Variants in STK32B observed in about 807,000 individuals in gnomAD.
STK32B encodes serine/threonine kinase 32B.
STK32B carries 43 observed loss-of-function variants against 52.6 expected under a neutral mutation model. The ratio of observed to expected loss-of-function variants is 0.82; its 90% CI spans 0.64 to 1.05. The LOEUF is 1.05. STK32B is among the 50% of genes least tolerant of loss of function. The pLI, the probability that STK32B is intolerant of heterozygous loss-of-function variation, is 0.00. For missense variants in STK32B, 621 were observed against 534.6 expected (o/e 1.16, Z -1.59); for synonymous variants, 238 against 204.3 (o/e 1.17, Z -1.41).
chr4:5,444,381 C>T (rs1460860189), intron 6 of STK32B, among the ~76,000 whole-genome samples: 1 of 152,252 alleles, frequency 6.6e-6, no homozygotes. Context: ...CCGTCCGTCA[C>T]CCCTTTCTTT....
chr4:5,238,074 C>T (rs975517198), intron 3 of STK32B, among the ~76,000 whole-genome samples: 2 of 152,136 alleles, frequency 1.3e-5, no homozygotes, highest in Non-Finnish European at 2.9e-5. Flanking sequence ...TTGATGAACA[C>T]GTAGGAAGCA....
the STK32B span, among the ~76,000 whole-genome samples, chr4:5,028,847 G>T: frequency 6.6e-6 from 1 of 152,182 alleles, no homozygotes; most frequent in Non-Finnish European, 1.5e-5. Context: ...AAGAAAAGAG[G>T]TTTAATTGGC....
intron 4 of STK32B, among the ~76,000 whole-genome samples, chr4:5,373,381 C>T (rs542724445): frequency 6.0e-4 from 91 of 152,270 alleles, no homozygotes; most frequent in Admixed American, 1.8e-3. Context: ...ATTCAAGACC[C>T]AAGAGAAACC....
intron 5 of STK32B, among the ~76,000 whole-genome samples, chr4:5,410,422 G>A (rs149749218): frequency 5.9e-5 from 9 of 152,374 alleles, no homozygotes; most frequent in East Asian, 3.9e-4. Context: ...GCAGATGACC[G>A]TGTGTAGTTT....
chr4:5,240,323 T>G (rs1337733017), intron 3 of STK32B, among the ~76,000 whole-genome samples: 1 of 152,208 alleles, frequency 6.6e-6, no homozygotes, highest in East Asian at 1.9e-4. Flanking sequence ...TGTGTGTGTT[T>G]CAGTTTGGAT....
chr4:5,151,571 A>G (rs545895586), intron 2 of STK32B, among the ~76,000 whole-genome samples: 1 of 152,240 alleles, frequency 6.6e-6, no homozygotes, highest in Non-Finnish European at 1.5e-5. Flanking sequence ...ACCAAAGTAA[A>G]CAACTGCTGG....
chr4:5,400,623 G>A lies in STK32B; in HGVS notation c.472+2379G>A, dbSNP rs1221381368. On this transcript the variant is annotated intron_variant, in intron 5 of 11. Coordinates refer to ENST00000282908, the MANE Select transcript of STK32B (RefSeq NM_018401.3). The surrounding 1 kb of genome is among the most constrained non-coding windows in gnomAD (Gnocchi z 6.1). Reference sequence around the variant, plus strand: ...CAACACTCAATGAGTGGCTTTGCAGGTGGTACAGAAAAGAAATTTAGGAGC... The same window carrying A: ...CAACACTCAATGAGTGGCTTTGCAGATGGTACAGAAAAGAAATTTAGGAGC... 6.6e-6 allele frequency among the ~76,000 whole-genome samples: 1 copy of A among 152,162 alleles called. No homozygotes were observed. Among genetic ancestry groups the A allele is most frequent in the Non-Finnish European group, 1.5e-5 (1 of 68,032 alleles).
intron 3 of STK32B, among the ~76,000 whole-genome samples, chr4:5,317,480 TTACA>T (rs1731159949): frequency 3.3e-5 from 2 of 61,074 alleles, no homozygotes; most frequent in Admixed American, 2.0e-4. Flanking sequence ...AATATATATA[TTACA>T]TATATATAAT....
intron 1 of STK32B, among the ~76,000 whole-genome samples, chr4:5,053,101 T>C (rs1380214282): frequency 6.6e-6 from 1 of 152,248 alleles, no homozygotes; most frequent in East Asian, 1.9e-4. Context: ...CTCAGATGCC[T>C]GCCTGGACAG....
chr4:5,158,217 C>T (rs1358830222), intron 2 of STK32B, among the ~76,000 whole-genome samples: 9 of 152,138 alleles, frequency 5.9e-5, no homozygotes, highest in African/African-American at 4.8e-5. Flanking sequence ...ATCCAGCAGC[C>T]AAGTGTTCTC....
At chr4:5,096,731 C>T (rs866576813) in intron 1 of STK32B, among the ~76,000 whole-genome samples, 7 of 152,130 alleles carry the variant, frequency 4.6e-5, no homozygotes, top group South Asian at 2.1e-4. Context: ...GGGAGGGCGG[C>T]GTTTACATTT....
rs1553823531 is a variant in STK32B, at chr4:5,099,454, G to GCGTGCGCGCGCACGCGCGTGCGCGCGCA, written c.53-40449_53-40448insTGCGCGCGCACGCGCGTGCGCGCGCACG. The stretch of plus-strand genomic sequence containing the variant: ...CCTCTGTGTGTGTGTGTGTGTGCGC[G>GCGTGCGCGCGCACGCGCGTGCGCGCGCA]CGCGCGTATGTGATGTGTTCACAAC... On this transcript the variant is annotated intron_variant, in intron 1 of 11. Coordinates refer to ENST00000282908, the MANE Select transcript of STK32B (RefSeq NM_018401.3). Among the ~76,000 whole-genome samples, 1,157 of 129,800 alleles carry GCGTGCGCGCGCACGCGCGTGCGCGCGCA rather than the reference G, an allele frequency of 8.9e-3. 20 individuals carry two copies. Among genetic ancestry groups the GCGTGCGCGCGCACGCGCGTGCGCGCGCA allele is most frequent in the African/African-American group, 0.029 (1,119 of 39,218 alleles). 85.2% of individuals were successfully genotyped at this position (129,800 alleles called of 152,430 possible).
chr4:5,173,442 G>A (rs1283555206), intron 3 of STK32B, among the ~76,000 whole-genome samples: 10 of 151,968 alleles, frequency 6.6e-5, no homozygotes, highest in African/African-American at 2.4e-4. Flanking sequence ...TGGGCATTTA[G>A]TGCTATAAAT....
chr4:5,325,547 T>C (rs991557321), intron 3 of STK32B, among the ~76,000 whole-genome samples: 5 of 152,166 alleles, frequency 3.3e-5, no homozygotes, highest in African/African-American at 9.7e-5. Context: ...AATTCTATTA[T>C]GTTATATACA....
chr4:5,019,537 C>A, the STK32B span: 2 of 1,310,494 alleles, frequency 1.5e-6, no homozygotes, highest in Non-Finnish European at 2.0e-6. Context: ...TCCTGTGGGG[C>A]CAGCGCAGGC....
rs200080283 is a variant in STK32B at position 5,053,814 on chromosome 4, A to T, written c.52+1899A>T. 7.3e-5 allele frequency among the ~76,000 whole-genome samples: 8 copies of T among 109,840 alleles called. No homozygotes were observed. The South Asian group carries it at 2.3e-3, about 32-fold the overall frequency. 72.1% of individuals were successfully genotyped at this position (109,840 alleles called of 152,430 possible). A position where few individuals can be genotyped will look rare whatever the true frequency, so the allele number is the denominator to read the frequency against. On this transcript the variant is annotated intron_variant, in intron 1 of 11. Coordinates refer to ENST00000282908, the MANE Select transcript of STK32B (RefSeq NM_018401.3). ...GCCAACATGATGAAACCCCGACTCT[A>T]CTAAAAATACAAAAATTAGCCGGGC... is the stretch of plus-strand genomic sequence containing the variant.
intron 3 of STK32B, among the ~76,000 whole-genome samples, chr4:5,187,261 G>A (rs187861992): frequency 8.3e-4 from 127 of 152,288 alleles, no homozygotes; most frequent in Admixed American, 2.3e-3. Flanking sequence ...TTTCCTGACT[G>A]CTCTTCATGC....
At chr4:5,156,708 C>T (rs1270424428) in intron 2 of STK32B, among the ~76,000 whole-genome samples, 4 of 152,120 alleles carry the variant, frequency 2.6e-5, no homozygotes, top group East Asian at 3.9e-4. Flanking sequence ...GTGAAGTAAA[C>T]GTGGAGTTAA....
intron 4 of STK32B, among the ~76,000 whole-genome samples, chr4:5,384,882 G>A (rs556461615): frequency 5.9e-5 from 9 of 152,234 alleles, no homozygotes; most frequent in Admixed American, 2.0e-4. Context: ...AGTGAGTGGC[G>A]GAGGCAGGTG....
Sources: gnomAD v4.1 joint callset for allele counts (sites outside exome capture counted in the v4.1 genomes callset) on GRCh38, gnomAD v4.1.1 for gene constraint, Gnocchi (gnomAD v3.1) non-coding constraint, MANE v1.5 for transcripts, NCBI Gene and HGNC (gene_info 2026-07-23, HGNC 2026-07-21) for gene names.